Variants in ASRGL1 observed in about 807,000 individuals in gnomAD.
The protein encoded by ASRGL1 is isoaspartyl peptidase/L-asparaginase.
In ASRGL1, 16 loss-of-function variants were observed where a neutral mutation model predicts 22.4. The ratio of observed to expected loss-of-function variants is 0.71; its 90% confidence interval spans 0.48 to 1.08. The LOEUF is 1.08. Among genes scored for constraint, ASRGL1 ranks in the 50% least tolerant of loss-of-function variants. The probability of loss-of-function intolerance (pLI) is 0.00; values close to 1 mark genes in which losing one functional copy is unlikely to be tolerated. For missense variants in ASRGL1, 412 were observed against 410.1 expected (o/e 1.00, Z -0.04); for synonymous variants, 165 against 159.3 (o/e 1.04, Z -0.27).
chr11:62,394,917 T>C (rs7121684), downstream of ASRGL1, among the ~76,000 whole-genome samples: 12,077 of 152,144 alleles, frequency 0.079, 605 homozygotes, highest in Non-Finnish European at 0.12. Flanking sequence ...AGCTTGTCCA[T>C]GGCTCACTGT....
At chr11:62,378,073 G>A (rs752202151) in intron 4 of ASRGL1, among the ~76,000 whole-genome samples, 3 of 152,064 alleles carry the variant, frequency 2.0e-5, no homozygotes, top group Admixed American at 2.0e-4. Flanking sequence ...CAAATTTGAC[G>A]TGACATAAGT....
chr11:62,377,865 A>G (rs1317115015), intron 4 of ASRGL1, among the ~76,000 whole-genome samples: 1 of 152,220 alleles, frequency 6.6e-6, no homozygotes, highest in African/African-American at 2.4e-5. Flanking sequence ...ACCACTCCAC[A>G]AGATCAGTAT....
intron 4 of ASRGL1, among the ~76,000 whole-genome samples, chr11:62,379,597 AT>A (rs2134677912): frequency 6.6e-6 from 1 of 152,350 alleles, no homozygotes; most frequent in Non-Finnish European, 1.5e-5. Flanking sequence ...TCTTCCTAAG[AT>A]TAGTCCTACA....
Position 62,386,054 on chromosome 11 carries a change from C to T in ASRGL1, c.492-3079C>T, listed in dbSNP as rs1254776194. 6.6e-5 allele frequency among the ~76,000 whole-genome samples: 10 copies of T among 150,968 alleles called. 1 individual carries two copies. Among genetic ancestry groups the T allele is most frequent in the Admixed American group, 4.0e-4 (6 of 15,144 alleles). ...ACACACGCCTGTAGTCCCAGGTACT[C>T]GGGAGGCTTAGGCAGGAGAATAGCT... On this transcript the variant is annotated intron_variant, in intron 4 of 6. Transcript: ENST00000415229.
rs374551919 is a variant in ASRGL1, at chr11:62,361,613, G to C, written c.491+4469G>C. 2.4e-3 allele frequency among the ~76,000 whole-genome samples: 359 copies of C among 148,494 alleles called. 7 individuals carry two copies. In the South Asian group the frequency reaches 0.076, roughly 32 times the overall value. ...AGAGATTCTTCTGCCTCAGCCTCCC[G>C]AGTAGCTGGGACTACAGGCGCATGC... On this transcript the variant is annotated intron_variant, in intron 4 of 6. Coordinates refer to ENST00000415229, the MANE Select transcript of ASRGL1 (RefSeq NM_001083926.2).
chr11:62,356,718 T>C (rs1395380556), intron 3 of ASRGL1, among the ~76,000 whole-genome samples: 2 of 152,234 alleles, frequency 1.3e-5, no homozygotes, highest in Non-Finnish European at 2.9e-5. Flanking sequence ...AGCTATTTAA[T>C]AGCATGTGTT....
chr11:62,400,048 G>A, the ASRGL1 span, among the ~76,000 whole-genome samples: 1 of 152,162 alleles, frequency 6.6e-6, no homozygotes, highest in Admixed American at 6.5e-5. Flanking sequence ...TCCAGAATGA[G>A]GTCACGCAGG....
At chr11:62,356,184 C>G (rs554041193) in intron 2 of ASRGL1, 141 bp from the exon 3 acceptor site, 115 of 956,814 alleles carry the variant, frequency 1.2e-4, no homozygotes, top group South Asian at 1.1e-3. Flanking sequence ...CTCCTCACTT[C>G]CCAGTAGGGG....
chr11:62,342,128 C>G (rs112878431), intron 2 of ASRGL1, among the ~76,000 whole-genome samples: 1 of 152,158 alleles, frequency 6.6e-6, no homozygotes, highest in Non-Finnish European at 1.5e-5. Flanking sequence ...CGGGACCTTA[C>G]ATTTTCTATT....
chr11:62,373,003 A>AT lies in ASRGL1; in HGVS notation c.491+15860dup, dbSNP rs974775322. The AT allele has an allele frequency of 1.6e-5, 22 of 1,389,470 alleles. No individual in the cohort carries two copies. In the African/African-American group the frequency reaches 2.6e-4, roughly 16 times the overall value. The allele number at this position is 1,389,470 out of a possible 1,614,324, so 86.1% of individuals were successfully genotyped here. The stretch of plus-strand genomic sequence containing the variant: ...ACCTTTGGGGAACTGGGCTACAGGG[A>AT]TCACAAGCCCAAGTCTTCCACTGCA... On this transcript the variant is annotated intron_variant, in intron 4 of 6. Coordinates refer to ENST00000415229, the MANE Select transcript of ASRGL1 (RefSeq NM_001083926.2).
intron 2 of ASRGL1, among the ~76,000 whole-genome samples, chr11:62,355,658 GT>G (rs1430665045): frequency 1.4e-5 from 2 of 144,994 alleles, no homozygotes; most frequent in Non-Finnish European, 3.0e-5. Context: ...ATTCTTGGGT[GT>G]TTCTCGCAGA....
At chr11:62,360,529 A>C (rs1001561969) in intron 4 of ASRGL1, among the ~76,000 whole-genome samples, 4 of 152,154 alleles carry the variant, frequency 2.6e-5, no homozygotes, top group Admixed American at 6.6e-5. Flanking sequence ...AGAAAGTAAA[A>C]ATCTTCAAAG....
At chr11:62,384,840 C>T (rs1318215096) in intron 4 of ASRGL1, among the ~76,000 whole-genome samples, 2 of 134,370 alleles carry the variant, frequency 1.5e-5, no homozygotes, top group African/African-American at 2.9e-5. Flanking sequence ...ATCACTTGAA[C>T]CTGGGAGATG....
chr11:62,360,488 A>G (rs564110593), intron 4 of ASRGL1, among the ~76,000 whole-genome samples: 151 of 152,276 alleles, frequency 9.9e-4, no homozygotes, highest in African/African-American at 3.5e-3. Context: ...AGAATGCTAT[A>G]AAGTGGAGCT....
chr11:62,400,170 C>G, the ASRGL1 span, among the ~76,000 whole-genome samples: 1 of 152,106 alleles, frequency 6.6e-6, no homozygotes, highest in Non-Finnish European at 1.5e-5. Flanking sequence ...CCACTGCCCC[C>G]CAGGATATGA....
At chr11:62,347,472 C>T (rs923553495) in intron 2 of ASRGL1, among the ~76,000 whole-genome samples, 1 of 152,172 alleles carries the variant, frequency 6.6e-6, no homozygotes, top group African/African-American at 2.4e-5. Flanking sequence ...AGCCCCTAAC[C>T]ATCAGTCATC....
At chr11:62,357,250 T>TTTTGTTTTGC in intron 4 of ASRGL1, 106 bp downstream of exon 4, 1 of 1,187,906 alleles carries the variant, frequency 8.4e-7, no homozygotes, top group African/African-American at 1.6e-5. Flanking sequence ...TTTTGTTTTG[T>TTTTGTTTTGC]TTTGTTTTGT....
intron 4 of ASRGL1, among the ~76,000 whole-genome samples, chr11:62,381,186 G>T (rs1156610620): frequency 7.9e-5 from 12 of 152,250 alleles, no homozygotes; most frequent in Admixed American, 4.6e-4. Flanking sequence ...GTTTGTACTT[G>T]TCTAACCTGC....
chr11:62,372,638 C>T, intron 4 of ASRGL1: 2 of 920,706 alleles, frequency 2.2e-6, no homozygotes, highest in Non-Finnish European at 3.7e-6. Context: ...ACATGCTGGT[C>T]CTGGACTCCC....
Sources: gnomAD v4.1 joint callset for allele counts (sites outside exome capture counted in the v4.1 genomes callset) on GRCh38, gnomAD v4.1.1 for gene constraint, MANE v1.5 for transcripts, NCBI Gene and HGNC (gene_info 2026-07-23, HGNC 2026-07-21) for gene names.